The following GARRE1 variants were observed in gnomAD, a reference collection of about 807,000 sequenced individuals.
GARRE1 encodes granule associated Rac and RHOG effector protein 1.
GARRE1 carries 49 observed loss-of-function variants against 103.2 expected under a neutral mutation model. The ratio of observed to expected loss-of-function variants is 0.47; its 90% CI spans 0.38 to 0.60. GARRE1 has a LOEUF of 0.60. Among genes scored for constraint, GARRE1 ranks in the 20% least tolerant of loss-of-function variants. GARRE1 has a pLI of 0.00. For synonymous variants in GARRE1, 505 were observed against 532.8 expected (o/e 0.95, Z 0.72); for missense variants, 1,199 against 1,370.5 (o/e 0.87, Z 1.98).
At position 34,342,453 on chromosome 19, in the gene GARRE1, C is replaced by A; in HGVS notation, c.2519C>A (p.Ala840Glu). 6.2e-7 allele frequency: 1 copy of A among 1,607,100 alleles called. No homozygotes were observed. The change falls in exon 10 of 14, where the codon GCA (alanine) becomes GAA (glutamate). Residue 840 changes from alanine (A) to glutamate (E), a missense_variant and splice_region_variant. By Grantham distance (107) the Ala-to-Glu change is moderately radical. Coordinates refer to ENST00000299505, the MANE Select transcript of GARRE1 (RefSeq NM_014686.5). ...GGAGAGATTCTGCCTTTTGATCCTGCAGGTATGTGAGGCCTCCCATCCCTC... is the reference window on the plus strand; with the variant it reads ...GGAGAGATTCTGCCTTTTGATCCTGAAGGTATGTGAGGCCTCCCATCCCTC... ...MLGEILPFDP[A>E]VGSDPEFARY...
chr19:34,337,872 A>G (rs927672290), intron 8 of GARRE1, among the ~76,000 whole-genome samples: 55 of 152,248 alleles, frequency 3.6e-4, no homozygotes, highest in Non-Finnish European at 7.3e-5. Context: ...GCCAAGTCAC[A>G]ACCAGACTTG....
At chr19:34,260,371 T>C (rs1247229590) in intron 1 of GARRE1, among the ~76,000 whole-genome samples, 2 of 152,260 alleles carry the variant, frequency 1.3e-5, no homozygotes, top group African/African-American at 4.8e-5. Context: ...AAAAACATCA[T>C]GTGACTTGCT....
intron 2 of GARRE1, among the ~76,000 whole-genome samples, chr19:34,310,173 A>G (rs1157175367): frequency 6.6e-6 from 1 of 152,238 alleles, no homozygotes; most frequent in Non-Finnish European, 1.5e-5. Context: ...AGTTCATGGA[A>G]TATAATTTCA....
At chr19:34,348,906 C>G in intron 11 of GARRE1, 110 bp from the exon 12 acceptor site, 1 of 1,243,702 alleles carries the variant, frequency 8.0e-7, no homozygotes, top group Middle Eastern at 2.5e-4. Context: ...GACAAGAGAC[C>G]ACTATTTGGT....
chr19:34,305,158 C>T (rs554281159), intron 2 of GARRE1, among the ~76,000 whole-genome samples: 7 of 152,170 alleles, frequency 4.6e-5, no homozygotes, highest in Non-Finnish European at 8.8e-5. Flanking sequence ...TCAAAAGAAA[C>T]GTAAGCAGTG....
rs1352227121 is a variant in GARRE1 at position 34,341,699 on chromosome 19, C to G, written c.1765C>G (p.Gln589Glu). ...GCCTGGCAATATTGATACAAGGTTACAAAGCATTTTGAACATTGGTAATTT... is the reference window on the plus strand; with the variant it reads ...GCCTGGCAATATTGATACAAGGTTAGAAAGCATTTTGAACATTGGTAATTT... ...KMPGNIDTRLQSILNIGNFPR... is the reference protein window; with the variant it reads ...KMPGNIDTRLESILNIGNFPR... Residue 589 changes from glutamine to glutamate, a missense_variant, in exon 10 of 14, where the codon CAA becomes GAA. Physicochemically the swap from Gln to Glu is conservative, Grantham distance 29. Coordinates refer to ENST00000299505, the MANE Select transcript of GARRE1 (RefSeq NM_014686.5). 2.5e-6 allele frequency: 4 copies of G among 1,614,090 alleles called. No homozygotes were observed. Among genetic ancestry groups the G allele is most frequent in the Non-Finnish European group, 3.4e-6 (4 of 1,180,046 alleles).
chr19:34,344,693 G>A (rs2074202407), intron 10 of GARRE1, among the ~76,000 whole-genome samples: 1 of 151,402 alleles, frequency 6.6e-6, no homozygotes, highest in African/African-American at 2.4e-5. Context: ...TTTTTTTTGA[G>A]ACAGAGTCTC....
rs1225316494 is a variant in GARRE1, at chr19:34,351,638, A to T, written c.2904+46A>T. The T allele has an allele frequency of 2.1e-6, 3 of 1,396,704 alleles. No homozygotes were observed. The South Asian group carries it at 3.5e-5, about 16-fold the overall frequency. 86.5% of individuals were successfully genotyped at this position (1,396,704 alleles called of 1,614,324 possible). On this transcript the variant is annotated intron_variant, in intron 13 of 13. Coordinates refer to ENST00000299505, the MANE Select transcript of GARRE1 (RefSeq NM_014686.5). The stretch of plus-strand genomic sequence containing the variant: ...GGCACAGACTTGGGCTAGCTTCCAC[A>T]GCTGCAGTTTTCAGAGGGCCTCAAA...
rs192464006 is a variant in GARRE1 at position 34,345,213 on chromosome 19, A to G, written c.2522-2664A>G. Among the ~76,000 whole-genome samples the G allele has an allele frequency of 1.8e-3, 279 of 152,228 alleles. 1 individual carries two copies. The highest frequency in any genetic ancestry group is 2.9e-3 in the Non-Finnish European group (195 of 68,004). On this transcript the variant is annotated intron_variant, in intron 10 of 13. Transcript: ENST00000299505. Reference sequence around the variant, plus strand: ...GGTGATCCACCCACCTCAGCCTCCTAAAGTGCTGGGATTACAGGCATGAGC... The same window carrying G: ...GGTGATCCACCCACCTCAGCCTCCTGAAGTGCTGGGATTACAGGCATGAGC...
chr19:34,319,854 G>A (rs2074077099), intron 2 of GARRE1, 53 bp from the exon 3 acceptor site: 10 of 1,520,704 alleles, frequency 6.6e-6, no homozygotes, highest in South Asian at 2.2e-5. Flanking sequence ...TTTACTGCGC[G>A]AATCCAACAG....
rs200851713 is a variant in GARRE1, at chr19:34,352,806, G to A, written c.3064G>A (p.Ala1022Thr). Residue 1022 changes from alanine (A) to threonine (T), a missense_variant, in exon 14 of 14, where the codon GCA becomes ACA. By Grantham distance (58) the Ala-to-Thr change is moderately conservative. Coordinates refer to ENST00000299505, the MANE Select transcript of GARRE1 (RefSeq NM_014686.5). ...MQMLQSPVWA[A>T]TNDCSAAAFS... is the part of the protein sequence containing the mutation. ...GATGCTGCAGTCCCCAGTGTGGGCCGCAACCAACGACTGCAGTGCCGCTGC... is the reference window on the plus strand; with the variant it reads ...GATGCTGCAGTCCCCAGTGTGGGCCACAACCAACGACTGCAGTGCCGCTGC... 5.5e-5 allele frequency: 89 copies of A among 1,613,754 alleles called. No homozygotes were observed. In the Middle Eastern group the frequency reaches 1.2e-3, roughly 21 times the overall value.
intron 10 of GARRE1, among the ~76,000 whole-genome samples, chr19:34,342,966 G>A (rs2074194270): frequency 6.6e-6 from 1 of 151,702 alleles, no homozygotes; most frequent in Non-Finnish European, 1.5e-5. Flanking sequence ...AATTAGAGAA[G>A]GAATTTACAA....
At chr19:34,313,715 C>T (rs2074047361) in intron 2 of GARRE1, among the ~76,000 whole-genome samples, 1 of 152,180 alleles carries the variant, frequency 6.6e-6, no homozygotes, top group African/African-American at 2.4e-5. Context: ...CTCTGATGGG[C>T]TCTTGAGGCC....
At chr19:34,262,058 A>C (rs964051620) in intron 1 of GARRE1, among the ~76,000 whole-genome samples, 1 of 151,842 alleles carries the variant, frequency 6.6e-6, no homozygotes, top group Non-Finnish European at 1.5e-5. Context: ...ATCTCGACTT[A>C]CTGCAACCTC....
intron 7 of GARRE1, among the ~76,000 whole-genome samples, chr19:34,330,862 G>A (rs1341281042): frequency 3.3e-5 from 5 of 150,402 alleles, no homozygotes; most frequent in East Asian, 3.9e-4. Context: ...AGCCTCCCAA[G>A]TAGCTGAGAT....
chr19:34,336,877 AAC>A (rs1463976049), intron 8 of GARRE1, among the ~76,000 whole-genome samples: 2 of 152,280 alleles, frequency 1.3e-5, no homozygotes, highest in East Asian at 3.9e-4. Context: ...GGTGAATATA[AAC>A]AGTCAGTGCA....
chr19:34,333,596 A>T, intron 7 of GARRE1, 108 bp from the exon 8 acceptor site: 1 of 693,760 alleles, frequency 1.4e-6, no homozygotes, highest in Non-Finnish European at 2.4e-6. Context: ...CTAGGCTGCT[A>T]GGGGAATAGT....
intron 1 of GARRE1, among the ~76,000 whole-genome samples, chr19:34,293,968 C>T (rs1338623945): frequency 6.6e-6 from 1 of 151,280 alleles, no homozygotes; most frequent in Non-Finnish European, 1.5e-5. Flanking sequence ...TTCTGTTGGC[C>T]AGGCTGGTCT....
At chr19:34,259,627 A>G (rs1433581592) in intron 1 of GARRE1, among the ~76,000 whole-genome samples, 3 of 152,168 alleles carry the variant, frequency 2.0e-5, no homozygotes, top group Admixed American at 6.5e-5. Context: ...TCCAGGGCCT[A>G]GAACACAGTG....
Sources: allele counts gnomAD v4.1 joint callset (sites outside exome capture counted in the v4.1 genomes callset), GRCh38; gene constraint gnomAD v4.1.1; transcripts MANE v1.5; gene names NCBI Gene and HGNC (gene_info 2026-07-23, HGNC 2026-07-21).